Variants in ETFA observed in about 807,000 individuals in gnomAD.
ETFA encodes the protein electron transfer flavoprotein subunit alpha, also known as electron transfer flavoprotein subunit alpha, mitochondrial.
Under a neutral mutation model 46.2 loss-of-function variants are expected in ETFA, and 22 were observed. The observed-to-expected ratio is 0.48, with a 90% CI of 0.34 to 0.68. The LOEUF (loss-of-function observed/expected upper bound fraction) is 0.68. Ranked by LOEUF, ETFA falls within the 30% of genes least tolerant of loss-of-function variation. The pLI is 0.01. For synonymous variants in ETFA, 131 were observed against 139.9 expected (o/e 0.94, Z 0.45); for missense variants, 345 against 401.1 (o/e 0.86, Z 1.19).
At chr15:76,306,031 T>C (rs770264450) in intron 1 of ETFA, among the ~76,000 whole-genome samples, 7 of 151,740 alleles carry the variant, frequency 4.6e-5, no homozygotes, top group African/African-American at 1.7e-4. Context: ...ATTTTTGACA[T>C]TGTTTTTGCT....
rs113567210 is a variant in ETFA at position 76,286,579 on chromosome 15, A to G, written c.452-98T>C. 4.6e-4 allele frequency: 354 copies of G among 768,506 alleles called. 3 individuals are homozygous for G. The African/African-American group carries it at 5.1e-3, about 11-fold the overall frequency. The allele number at this position is 768,506 out of a possible 1,614,324, so 47.6% of individuals were successfully genotyped here. ...ATTTACTTCACAGACAAGGCAAGAA[A>G]TAACTATTGACCAGTTGTCTTCTAA... On this transcript the variant is annotated intron_variant, in intron 5 of 11. Transcript: ENST00000557943.
chr15:76,302,584 T>C (rs1382688846), intron 1 of ETFA, among the ~76,000 whole-genome samples: 3 of 152,116 alleles, frequency 2.0e-5, no homozygotes, highest in African/African-American at 7.2e-5. Context: ...TTCTGTATGA[T>C]ATAATAATGG....
At chr15:76,285,472 C>T (rs1370413759) in intron 7 of ETFA, among the ~76,000 whole-genome samples, 165 bp downstream of exon 7, 2 of 152,140 alleles carry the variant, frequency 1.3e-5, no homozygotes, top group African/African-American at 4.8e-5. Context: ...GTGTATTATG[C>T]TCATAATTTC....
chr15:76,218,553 G>A (rs1478948464), intron 11 of ETFA, among the ~76,000 whole-genome samples: 1 of 152,206 alleles, frequency 6.6e-6, no homozygotes, highest in African/African-American at 2.4e-5. Flanking sequence ...TTACAGGCGT[G>A]AGCCACTGCA....
At position 76,292,452 on chromosome 15, in the gene ETFA, A is replaced by G. The variant is rs1185125998; in HGVS notation, c.330T>C (p.Ala110=). Reference sequence around the variant, plus strand: ...TCACCTTTCCGAAGGCAGATGCTCCAGCACAGATGTGTGTGTAATTGAACT... The same window carrying G: ...TCACCTTTCCGAAGGCAGATGCTCCGGCACAGATGTGTGTGTAATTGAACT... ...QKQFNYTHIC[A]GASAFGKNLL... The change falls in exon 4 of 12, where the codon GCT becomes GCC. Residue 110 remains alanine, a synonymous_variant. Coordinates refer to ENST00000557943, the MANE Select transcript of ETFA (RefSeq NM_000126.4). The G allele has an allele frequency of 1.2e-6, 2 of 1,613,618 alleles. No homozygotes were observed. Among genetic ancestry groups the G allele is most frequent in the Non-Finnish European group, 1.7e-6 (2 of 1,179,466 alleles).
chr15:76,231,300 C>G, intron 10 of ETFA, 33 bp downstream of exon 10: 1 of 1,397,528 alleles, frequency 7.2e-7, no homozygotes, highest in Non-Finnish European at 1.0e-6. Context: ...AATGTGGAAA[C>G]GTTTTCTTTT....
At chr15:76,289,810 C>A (rs111732891) in intron 4 of ETFA, among the ~76,000 whole-genome samples, 1 of 152,160 alleles carries the variant, frequency 6.6e-6, no homozygotes, top group Non-Finnish European at 1.5e-5. Context: ...ACAGGCCGCA[C>A]GACCAGCTAC....
chr15:76,305,315 C>T (rs1303458513), intron 1 of ETFA, among the ~76,000 whole-genome samples: 1 of 152,206 alleles, frequency 6.6e-6, no homozygotes, highest in Non-Finnish European at 1.5e-5. Flanking sequence ...AACTTGGTAT[C>T]TACCTCTCTG....
intron 1 of ETFA, 72 bp downstream of exon 1, chr15:76,311,278 T>C (rs2039995097): frequency 2.6e-6 from 4 of 1,518,408 alleles, no homozygotes; most frequent in Non-Finnish European, 2.7e-6. Flanking sequence ...CCAGTGATCT[T>C]TGCAAGACCC....
At chr15:76,222,196 TTATA>T (rs1485190327) in intron 11 of ETFA, among the ~76,000 whole-genome samples, 1 of 149,376 alleles carries the variant, frequency 6.7e-6, no homozygotes, top group Admixed American at 6.7e-5. Flanking sequence ...TTTCTTAATG[TTATA>T]TAAATATATT....
chr15:76,228,192 T>A, intron 10 of ETFA: 1 of 356,474 alleles, frequency 2.8e-6, no homozygotes, highest in South Asian at 2.2e-5. Flanking sequence ...ATTGTTATTA[T>A]CATTATTACT....
Position 76,272,062 on chromosome 15 carries a change from T to C in ETFA, c.816+2350A>G, listed in dbSNP as rs779072133. On this transcript the variant is annotated intron_variant, in intron 9 of 11. Coordinates refer to ENST00000557943, the MANE Select transcript of ETFA (RefSeq NM_000126.4). ...TGGTTCTATATCCATAAGAGTAATA[T>C]TGAATAATGCTGATGGTATGCCATT... Among the ~76,000 whole-genome samples, 6 of 152,074 alleles carry C rather than the reference T, an allele frequency of 3.9e-5. 1 individual carries two copies. The highest frequency in any genetic ancestry group is 1.3e-4 in the Admixed American group (2 of 15,272).
At chr15:76,288,659 C>T (rs1264609953) in intron 4 of ETFA, among the ~76,000 whole-genome samples, 1 of 149,858 alleles carries the variant, frequency 6.7e-6, no homozygotes, top group Admixed American at 6.7e-5. Flanking sequence ...TTGCAGTGAG[C>T]TGAGATAGTA....
chr15:76,225,676 G>C (rs2038996901), intron 11 of ETFA, among the ~76,000 whole-genome samples, 173 bp downstream of exon 11: 1 of 152,140 alleles, frequency 6.6e-6, no homozygotes, highest in African/African-American at 2.4e-5. Context: ...TCTACTCTTA[G>C]AGCAACTTAA....
intron 9 of ETFA, among the ~76,000 whole-genome samples, chr15:76,254,329 A>G (rs1161929889): frequency 6.6e-6 from 1 of 152,226 alleles, no homozygotes; most frequent in African/African-American, 2.4e-5. Flanking sequence ...TTAGGCATGT[A>G]TGAGGTGAGC....
At chr15:76,295,766 G>A (rs751133242) in intron 1 of ETFA, 29 bp from the exon 2 acceptor site, 3 of 1,561,906 alleles carry the variant, frequency 1.9e-6, no homozygotes, top group South Asian at 2.3e-5. Flanking sequence ...AAAAAAAAAG[G>A]TAAAGAATGT....
chr15:76,231,155 C>T, intron 10 of ETFA, 178 bp downstream of exon 10: 2 of 603,854 alleles, frequency 3.3e-6, no homozygotes, highest in Non-Finnish European at 6.0e-6. Flanking sequence ...ACAGCACTGC[C>T]TCTGTGACCA....
intron 9 of ETFA, among the ~76,000 whole-genome samples, chr15:76,232,638 A>T (rs1017250054): frequency 2.6e-5 from 4 of 152,248 alleles, no homozygotes; most frequent in African/African-American, 9.6e-5. Flanking sequence ...GAGCATTTCA[A>T]CTAGGATCTG....
At chr15:76,240,345 C>T (rs769612093) in intron 9 of ETFA, among the ~76,000 whole-genome samples, 5 of 152,148 alleles carry the variant, frequency 3.3e-5, no homozygotes, top group Non-Finnish European at 5.9e-5. Flanking sequence ...ATCTTAAATT[C>T]AAATTCATTC....
Sources: allele counts gnomAD v4.1 joint callset (sites outside exome capture counted in the v4.1 genomes callset), GRCh38; gene constraint gnomAD v4.1.1; transcripts MANE v1.5; gene names NCBI Gene and HGNC (gene_info 2026-07-23, HGNC 2026-07-21).